Variants in PIP5K1C observed in about 807,000 individuals in gnomAD.
The protein encoded by PIP5K1C is phosphatidylinositol 4-phosphate 5-kinase type-1 gamma.
Under a neutral mutation model 80.1 loss-of-function variants are expected in PIP5K1C, and 45 were observed. The ratio of observed to expected loss-of-function variants is 0.56; its 90% CI spans 0.44 to 0.72. The LOEUF (loss-of-function observed/expected upper bound fraction) is 0.72. Among genes scored for constraint, PIP5K1C ranks in the 30% least tolerant of loss-of-function variants. The pLI, the probability that PIP5K1C is intolerant of heterozygous loss-of-function variation, is 0.00. For missense variants in PIP5K1C, 753 were observed against 954.6 expected (o/e 0.79, Z 2.78); for synonymous variants, 498 against 420.1 (o/e 1.19, Z -2.27).
intron 1 of PIP5K1C, among the ~76,000 whole-genome samples, chr19:3,687,577 A>G (rs958163577): frequency 3.3e-5 from 5 of 151,238 alleles, no homozygotes; most frequent in Admixed American, 6.6e-5. Flanking sequence ...ATGCACACGC[A>G]CACACATGCA....
In PIP5K1C at chr19:3,633,042, C is replaced by T. The variant is rs760323809; in HGVS notation, c.*125G>A. The T allele has an allele frequency of 8.6e-4, 563 of 653,472 alleles. 5 individuals carry two copies. Among genetic ancestry groups the T allele is most frequent in the Non-Finnish European group, 4.3e-4 (153 of 352,998 alleles). 40.5% of individuals were successfully genotyped at this position (653,472 alleles called of 1,614,324 possible). On this transcript the variant is annotated 3_prime_UTR_variant, in exon 18 of 18. Transcript: ENST00000335312. Reference sequence around the variant, plus strand: ...CGTCGGCATCCGTGCAGGGGGAGGACGAGGTCCGGTGGGGCGGCGAGGCGG... The same window carrying T: ...CGTCGGCATCCGTGCAGGGGGAGGATGAGGTCCGGTGGGGCGGCGAGGCGG...
At chr19:3,681,383 A>G (rs1003018467) in intron 1 of PIP5K1C, among the ~76,000 whole-genome samples, 1 of 151,954 alleles carries the variant, frequency 6.6e-6, no homozygotes, top group African/African-American at 2.4e-5. Flanking sequence ...GGCGTTCACC[A>G]CTACCACCTG....
At chr19:3,671,748 G>A (rs1018108701) in intron 1 of PIP5K1C, among the ~76,000 whole-genome samples, 1 of 152,178 alleles carries the variant, frequency 6.6e-6, no homozygotes, top group South Asian at 2.1e-4. Context: ...GCCTGCCCAG[G>A]GGGTGGGGGC....
chr19:3,635,350 C>T lies in PIP5K1C; in HGVS notation c.1921-1830G>A, dbSNP rs149887624. ...TCACTTGAGGTCAGGAGTTCAAGAC[C>T]AGCCTGGCCAATATGGCGAAACCCT... On this transcript the variant is annotated intron_variant, in intron 16 of 17. Transcript: ENST00000335312. Among the ~76,000 whole-genome samples, 6 of 152,168 alleles carry T rather than the reference C, an allele frequency of 3.9e-5. No homozygotes were observed. The East Asian group carries it at 1.2e-3, about 30-fold the overall frequency.
intron 1 of PIP5K1C, among the ~76,000 whole-genome samples, chr19:3,671,634 T>C (rs1476714005): frequency 1.3e-5 from 2 of 151,616 alleles, no homozygotes; most frequent in East Asian, 3.9e-4. Flanking sequence ...CCAGGGAAAA[T>C]GTGGGGCTCC....
At chr19:3,665,494 G>A (rs544548770) in intron 2 of PIP5K1C, among the ~76,000 whole-genome samples, 2 of 152,140 alleles carry the variant, frequency 1.3e-5, no homozygotes, top group Non-Finnish European at 1.5e-5. Context: ...GGAACAGAGC[G>A]GGGGTCAGGC....
chr19:3,639,327 T>G (rs2033860683), intron 15 of PIP5K1C, among the ~76,000 whole-genome samples: 1 of 152,184 alleles, frequency 6.6e-6, no homozygotes, highest in African/African-American at 2.4e-5. Context: ...CCTCACCGGC[T>G]GTGCCACCCT....
chr19:3,664,985 C>T (rs2034963083), intron 2 of PIP5K1C, 71 bp from the exon 3 acceptor site: 5 of 1,276,836 alleles, frequency 3.9e-6, no homozygotes, highest in Non-Finnish European at 5.7e-6. Flanking sequence ...CGCTCTGAAA[C>T]CCTGGGAAGA....
intron 15 of PIP5K1C, among the ~76,000 whole-genome samples, chr19:3,640,377 G>A (rs1194282233): frequency 6.6e-6 from 1 of 152,024 alleles, no homozygotes; most frequent in African/African-American, 2.4e-5. Flanking sequence ...TTAGCCGGGC[G>A]TGGTGGTGCA....
At chr19:3,647,252 A>G (rs1165031455) in intron 10 of PIP5K1C, 86 bp downstream of exon 10, 14 of 1,106,716 alleles carry the variant, frequency 1.3e-5, no homozygotes, top group East Asian at 6.0e-5. Flanking sequence ...GCACTCACAG[A>G]GGGAGGAGGG....
chr19:3,685,281 G>A (rs971442923), intron 1 of PIP5K1C, among the ~76,000 whole-genome samples: 1 of 152,174 alleles, frequency 6.6e-6, no homozygotes, highest in Non-Finnish European at 1.5e-5. Flanking sequence ...GCCCTTGGCA[G>A]CAACTTCAAT....
In PIP5K1C at chr19:3,638,973, C is replaced by T. The variant is rs777287322; in HGVS notation, c.1831G>A (p.Glu611Lys). The change falls in exon 16 of 18, where the codon GAA (glutamate) becomes AAA (lysine). Residue 611 changes from glutamate to lysine, a missense_variant. Transcript: ENST00000335312. ...PAGASAAVEVETASQASDEEG... is the reference protein window; with the variant it reads ...PAGASAAVEVKTASQASDEEG... ...TCGTCTGAGGCCTGGCTGGCAGTTT[C>T]TACTTCAACAGCAGCAGAGGCACCG... The T allele has an allele frequency of 4.3e-6, 7 of 1,611,968 alleles. No individual in the cohort carries two copies. In the African/African-American group the frequency reaches 9.4e-5, roughly 22 times the overall value.
In PIP5K1C at chr19:3,688,423, C is replaced by T. The variant is rs1208656518; in HGVS notation, c.94+11874G>A. 6.6e-6 allele frequency among the ~76,000 whole-genome samples: 1 copy of T among 152,096 alleles called. No individual in the cohort carries two copies. Among genetic ancestry groups the T allele is most frequent in the Non-Finnish European group, 1.5e-5 (1 of 67,992 alleles). ...CCCCCTGCTGTGGGCGGGGAGGGAT[C>T]TAGAAGACCGGAAGGCTATTTCCAG... On this transcript the variant is annotated intron_variant, in intron 1 of 17. Transcript: ENST00000335312. The surrounding 1 kb of genome is among the most constrained non-coding windows in gnomAD (Gnocchi z 5.3).
rs1035113653 is a variant in PIP5K1C at position 3,637,980 on chromosome 19, G to A, written c.1920+904C>T. The A allele has an allele frequency of 6.5e-6, 10 of 1,528,962 alleles. No individual in the cohort carries two copies. Among genetic ancestry groups the A allele is most frequent in the African/African-American group, 1.4e-5 (1 of 72,970 alleles). 94.7% of individuals were successfully genotyped at this position (1,528,962 alleles called of 1,614,324 possible). A position where few individuals can be genotyped will look rare whatever the true frequency, so the allele number is the denominator to read the frequency against. On this transcript the variant is annotated intron_variant, in intron 16 of 17. Transcript: ENST00000335312. This position sits in a 1 kb window ranked among gnomAD's most constrained non-coding sequence, Gnocchi z 7.0. ...GTCCCTCCCTTCTCCAGGGCCAGGT[G>A]GGTGCATGGGGACCCCAGAGGCGCC...
intron 6 of PIP5K1C, 52 bp from the exon 7 acceptor site, chr19:3,653,641 G>A (rs754910467): frequency 1.8e-5 from 27 of 1,534,620 alleles, no homozygotes; most frequent in African/African-American, 4.1e-5. Flanking sequence ...ACAGACTCAC[G>A]GGGGCGGGCA....
At chr19:3,686,769 TA>T (rs1465917403) in intron 1 of PIP5K1C, among the ~76,000 whole-genome samples, 4 of 150,790 alleles carry the variant, frequency 2.7e-5, no homozygotes, top group Non-Finnish European at 5.9e-5. Flanking sequence ...ATAAAATAAT[TA>T]CAAACTGGAA....
At chr19:3,669,221 C>T (rs937971091) in intron 1 of PIP5K1C, among the ~76,000 whole-genome samples, 1 of 152,134 alleles carries the variant, frequency 6.6e-6, no homozygotes, top group Non-Finnish European at 1.5e-5. Flanking sequence ...ACTCAGGCTG[C>T]GCCGGAGTGT....
rs1210829023 is a variant in PIP5K1C, at chr19:3,632,364, A to C, written c.*803T>G. ...CCTGGGCCCTCCATGCCAGTTGCTG[A>C]GTGGCCTACGTTGGAAGAGAAGGAC... On this transcript the variant is annotated 3_prime_UTR_variant, in exon 18 of 18. Transcript: ENST00000335312. 6.6e-6 allele frequency: 1 copy of C among 152,316 alleles called. No individual in the cohort carries two copies. The highest frequency in any genetic ancestry group is 2.4e-5 in the African/African-American group (1 of 41,448). 9.4% of individuals were successfully genotyped at this position (152,316 alleles called of 1,614,324 possible).
chr19:3,674,764 G>A (rs536954939), intron 1 of PIP5K1C, among the ~76,000 whole-genome samples: 7 of 152,334 alleles, frequency 4.6e-5, no homozygotes, highest in East Asian at 3.9e-4. Context: ...GCCTCCCAGC[G>A]TGCTGCGATG....
Sources: allele counts gnomAD v4.1 joint callset (sites outside exome capture counted in the v4.1 genomes callset), GRCh38; gene constraint gnomAD v4.1.1; non-coding constraint Gnocchi (gnomAD v3.1); transcripts MANE v1.5; gene names NCBI Gene and HGNC (gene_info 2026-07-23, HGNC 2026-07-21).